The following CC2D2A variants were observed in gnomAD, a reference collection of about 807,000 sequenced individuals.
CC2D2A encodes coiled-coil and C2 domain containing 2A, also known as coiled-coil and C2 domain-containing protein 2A.
Under a neutral mutation model 212.9 loss-of-function variants are expected in CC2D2A, and 155 were observed. The ratio of observed to expected loss-of-function variants is 0.73; its 90% CI spans 0.64 to 0.83. The LOEUF is 0.83. CC2D2A is among the 40% of genes least tolerant of loss of function. CC2D2A has a pLI of 0.00. For missense variants in CC2D2A, 1,856 were observed against 1,956.2 expected (o/e 0.95, Z 0.97); for synonymous variants, 667 against 686.5 (o/e 0.97, Z 0.44).
At position 15,559,225 on chromosome 4, in the gene CC2D2A, CATAGGGCCA is replaced by C; in HGVS notation, c.2891_2899del (p.His964_Ile967delinsLeu). 6.4e-7 allele frequency: 1 copy of C among 1,553,518 alleles called. No individual in the cohort carries two copies. The highest frequency in any genetic ancestry group is 8.7e-7 in the Non-Finnish European group (1 of 1,147,860). On this transcript the variant is annotated inframe_deletion, in exon 22 of 37. Coordinates refer to ENST00000424120, the MANE Select transcript of CC2D2A (RefSeq NM_001378615.1). ...AGAAACCAAGGAACACATAGACACCCATAGGGCCATAGTAGCCAAGTACCTCCAGCAGGT... is the reference window on the plus strand; with the variant it reads ...AGAAACCAAGGAACACATAGACACCCTAGTAGCCAAGTACCTCCAGCAGGT...
chr4:15,537,791 T>C (rs1363560454), intron 15 of CC2D2A, 108 bp from the exon 16 acceptor site: 1 of 1,185,794 alleles, frequency 8.4e-7, no homozygotes, highest in Non-Finnish European at 1.2e-6. Context: ...CACTTCTGGT[T>C]GAAATGGGGC....
At chr4:15,500,107 G>GTGTGTGTGTATATATATATATATATATA (rs1479141284) in intron 4 of CC2D2A, among the ~76,000 whole-genome samples, 2 of 112,930 alleles carry the variant, frequency 1.8e-5, no homozygotes, top group Non-Finnish European at 3.5e-5. Context: ...GTGTGTGTGT[G>GTGTGTGTGTATATATATATATATATATA]TATATATATA....
chr4:15,598,181 C>T (rs898715353), intron 35 of CC2D2A, among the ~76,000 whole-genome samples: 1 of 152,186 alleles, frequency 6.6e-6, no homozygotes, highest in African/African-American at 2.4e-5. Flanking sequence ...AACATGCTAT[C>T]GATTGGACCC....
At chr4:15,568,322 C>T (rs1015612985) in intron 26 of CC2D2A, among the ~76,000 whole-genome samples, 2 of 152,236 alleles carry the variant, frequency 1.3e-5, no homozygotes, top group African/African-American at 4.8e-5. Context: ...GGGAAGGTGA[C>T]TTACTTAAAG....
chr4:15,473,502 A>G (rs1470088743), intron 1 of CC2D2A, among the ~76,000 whole-genome samples: 1 of 152,240 alleles, frequency 6.6e-6, no homozygotes, highest in Non-Finnish European at 1.5e-5. Flanking sequence ...AACAGGATTC[A>G]AGTGCAAATC....
At chr4:15,546,016 A>T (rs1718691644) in intron 17 of CC2D2A, among the ~76,000 whole-genome samples, 1 of 152,046 alleles carries the variant, frequency 6.6e-6, no homozygotes, top group Non-Finnish European at 1.5e-5. Flanking sequence ...AGGCTGAGGC[A>T]AGAGGATTGC....
At chr4:15,499,973 C>T (rs547408198) in intron 4 of CC2D2A, among the ~76,000 whole-genome samples, 2 of 151,748 alleles carry the variant, frequency 1.3e-5, no homozygotes, top group South Asian at 4.2e-4. Context: ...CAAATGCAGT[C>T]ATGTGTTATT....
intron 11 of CC2D2A, among the ~76,000 whole-genome samples, chr4:15,522,174 T>G (rs1195164843): frequency 6.6e-6 from 1 of 152,174 alleles, no homozygotes; most frequent in East Asian, 1.9e-4. Context: ...GCACGCCAGC[T>G]TGGTTGACAG....
intron 33 of CC2D2A, among the ~76,000 whole-genome samples, chr4:15,590,050 T>C (rs1721028850): frequency 6.6e-6 from 1 of 152,136 alleles, no homozygotes; most frequent in South Asian, 2.1e-4. Context: ...CTGAGGCAAA[T>C]TTGTCACCTG....
At position 15,557,198 on chromosome 4, in the gene CC2D2A, A is replaced by G. The variant is rs1719327612; in HGVS notation, c.2626-106A>G. 4 of 634,498 alleles carry G rather than the reference A, an allele frequency of 6.3e-6. No individual in the cohort carries two copies. In the South Asian group the frequency reaches 9.7e-5, roughly 15 times the overall value. 39.3% of individuals were successfully genotyped at this position (634,498 alleles called of 1,614,324 possible). ...ATATTTTAAAGTATTTTGTCTTTCA[A>G]GTCTTTTAATCTAAAACTGTTAAAT... is the stretch of plus-strand genomic sequence containing the variant. On this transcript the variant is annotated intron_variant, in intron 20 of 36. Coordinates refer to ENST00000424120, the MANE Select transcript of CC2D2A (RefSeq NM_001378615.1).
chr4:15,526,672 A>AT (rs1717527117), intron 11 of CC2D2A, among the ~76,000 whole-genome samples: 1 of 152,212 alleles, frequency 6.6e-6, no homozygotes, highest in African/African-American at 2.4e-5. Context: ...TCCTTACTAT[A>AT]GTCAGTCTTT....
At chr4:15,570,324 C>A in intron 27 of CC2D2A, 74 bp from the exon 28 acceptor site, 1 of 901,744 alleles carries the variant, frequency 1.1e-6, no homozygotes, top group Non-Finnish European at 1.7e-6. Flanking sequence ...AATCTTGCTG[C>A]TTTCCTGCTG....
At chr4:15,508,142 C>T (rs922244994) in intron 6 of CC2D2A, among the ~76,000 whole-genome samples, 14 of 152,172 alleles carry the variant, frequency 9.2e-5, no homozygotes, top group African/African-American at 3.1e-4. Context: ...ACAAATATTC[C>T]CCTCTTCTGT....
In CC2D2A at chr4:15,569,350, C is replaced by G; in HGVS notation, c.3456C>G (p.Phe1152Leu). The change falls in exon 27 of 37, where the codon TTC becomes TTG. Residue 1152 changes from phenylalanine to leucine, a missense_variant. Physicochemically the swap from Phe to Leu is conservative, Grantham distance 22. Transcript: ENST00000424120. ...TGCAGTCAGTGAAAGATGTTGTGTT[C>G]ATTAACATTTTTGATGAAGTACTGC... ...ASLQSVKDVV[F>L]INIFDEVLHD... is the part of the protein sequence containing the mutation. 1 of 1,581,024 alleles carries G rather than the reference C, an allele frequency of 6.3e-7. No homozygotes were observed. The highest frequency in any genetic ancestry group is 2.3e-5 in the East Asian group (1 of 43,830).
At chr4:15,513,467 A>C (rs546243976) in intron 8 of CC2D2A, among the ~76,000 whole-genome samples, 1 of 152,222 alleles carries the variant, frequency 6.6e-6, no homozygotes, top group African/African-American at 2.4e-5. Flanking sequence ...TCCAAAGGCC[A>C]CTTCTCCCTT....
chr4:15,557,215 C>A, intron 20 of CC2D2A, 89 bp from the exon 21 acceptor site: 3 of 737,028 alleles, frequency 4.1e-6, no homozygotes, highest in Middle Eastern at 4.9e-4. Flanking sequence ...TAATCTAAAA[C>A]TGTTAAATGT....
intron 16 of CC2D2A, among the ~76,000 whole-genome samples, chr4:15,540,285 GTTGT>G (rs1718358623): frequency 6.6e-6 from 1 of 151,060 alleles, no homozygotes; most frequent in Non-Finnish European, 1.5e-5. Flanking sequence ...CCAATGGGAG[GTTGT>G]TTTTTTTTTT....
In CC2D2A at chr4:15,540,896, TCAA is replaced by T. The variant is rs755305379; in HGVS notation, c.2070_2072del (p.Asn690del). 3 of 1,593,082 alleles carry T rather than the reference TCAA, an allele frequency of 1.9e-6. No homozygotes were observed. The highest frequency in any genetic ancestry group is 1.7e-6 in the Non-Finnish European group (2 of 1,169,460). On this transcript the variant is annotated inframe_deletion, in exon 17 of 37. Transcript: ENST00000424120. ...CGCTCAGTGTACTTAAAAGTGCTGTTCAACAACAAGGAGGTGTCCAGGACAGTC... is the reference window on the plus strand; with the variant it reads ...CGCTCAGTGTACTTAAAAGTGCTGTTCAACAAGGAGGTGTCCAGGACAGTC...
intron 26 of CC2D2A, 73 bp from the exon 27 acceptor site, chr4:15,569,220 A>T (rs1337385248): frequency 2.5e-6 from 2 of 812,020 alleles, no homozygotes; most frequent in Non-Finnish European, 4.1e-6. Context: ...TATTTTTCAA[A>T]TGCTGACATT....
Sources: allele counts gnomAD v4.1 joint callset (sites outside exome capture counted in the v4.1 genomes callset), GRCh38; gene constraint gnomAD v4.1.1; transcripts MANE v1.5; gene names NCBI Gene and HGNC (gene_info 2026-07-23, HGNC 2026-07-21).